Variants in DNM2 observed in about 807,000 individuals in gnomAD.
DNM2 encodes dynamin-2.
A neutral mutation model predicts 99.0 loss-of-function variants in DNM2; 15 were observed. The ratio of observed to expected loss-of-function variants is 0.15; its 90% CI spans 0.10 to 0.23. The LOEUF (loss-of-function observed/expected upper bound fraction) is 0.23. Ranked by LOEUF, DNM2 falls within the 10% of genes least tolerant of loss-of-function variation. The probability of loss-of-function intolerance (pLI) is 1.00; values close to 1 mark genes in which losing one functional copy is unlikely to be tolerated. For missense variants in DNM2, 742 were observed against 1,189.4 expected (o/e 0.62, Z 5.53); for synonymous variants, 525 against 481.2 (o/e 1.09, Z -1.19).
At chr19:10,801,605 C>CAAA (rs34520425) in intron 11 of DNM2, among the ~76,000 whole-genome samples, 4 of 56,618 alleles carry the variant, frequency 7.1e-5, no homozygotes, top group East Asian at 7.4e-4. Context: ...GTTCTTTTCT[C>CAAA]AAAAAAAAAA....
intron 7 of DNM2, 123 bp downstream of exon 7, chr19:10,786,829 CA>C: frequency 6.5e-7 from 1 of 1,531,786 alleles, no homozygotes; most frequent in Non-Finnish European, 8.8e-7. Flanking sequence ...ACACTTGCTG[CA>C]AGCCTTCTGC....
intron 1 of DNM2, among the ~76,000 whole-genome samples, chr19:10,741,930 C>T (rs1243081526): frequency 6.6e-6 from 1 of 150,488 alleles, no homozygotes. Context: ...CTTTCCCTCC[C>T]TCCCTTCTTT....
Position 10,811,312 on chromosome 19 carries a change from T to G in DNM2, c.1558-952T>G, listed in dbSNP as rs77236237. On this transcript the variant is annotated intron_variant, in intron 14 of 20. Coordinates refer to ENST00000389253, the MANE Select transcript of DNM2 (RefSeq NM_001005361.3). The surrounding 1 kb of genome is among the most constrained non-coding windows in gnomAD (Gnocchi z 5.4). The stretch of plus-strand genomic sequence containing the variant: ...TCAGGCCCGGGGTGGGTCGGGGTAG[T>G]CCGGATGAAGCCCCTCCAGAGGACC... 560 of 205,712 alleles carry G rather than the reference T, an allele frequency of 2.7e-3. 7 individuals are homozygous for G. In the East Asian group the frequency reaches 0.031, roughly 11 times the overall value. The allele number at this position is 205,712 out of a possible 1,614,324, so 12.7% of individuals were successfully genotyped here. A position where few individuals can be genotyped will look rare whatever the true frequency, so the allele number is the denominator to read the frequency against.
chr19:10,823,612 A>G (rs1016894381), intron 16 of DNM2, 176 bp from the exon 17 acceptor site: 2 of 613,192 alleles, frequency 3.3e-6, no homozygotes, highest in Non-Finnish European at 5.9e-6. Context: ...GCTTGTGCAC[A>G]GCGCTCTTCT....
At chr19:10,728,893 G>T (rs1171835231) in intron 1 of DNM2, among the ~76,000 whole-genome samples, 2 of 151,542 alleles carry the variant, frequency 1.3e-5, no homozygotes, top group African/African-American at 4.9e-5. Flanking sequence ...GTTGCATTGA[G>T]CTATGATTGC....
intron 1 of DNM2, among the ~76,000 whole-genome samples, chr19:10,741,032 A>G (rs1247033561): frequency 6.6e-6 from 1 of 152,138 alleles, no homozygotes; most frequent in Non-Finnish European, 1.5e-5. Flanking sequence ...TATGCACATG[A>G]TAAGAATGTG....
chr19:10,740,591 G>T (rs1356592058), intron 1 of DNM2, among the ~76,000 whole-genome samples: 1 of 152,138 alleles, frequency 6.6e-6, no homozygotes, highest in African/African-American at 2.4e-5. Flanking sequence ...GGTGAGGCTG[G>T]TCTCAAACTC....
chr19:10,830,388 AC>A lies in DNM2; in HGVS notation c.2543+15del. 4 of 1,605,278 alleles carry A rather than the reference AC, an allele frequency of 2.5e-6. No individual in the cohort carries two copies. The highest frequency in any genetic ancestry group is 2.2e-5 in the East Asian group (1 of 44,826). ...CCCCAGGAGTGCCCAGGTAAGGCCA[AC>A]CCCCTGCCCTCCACCCCAACTGCCT... On this transcript the variant is annotated intron_variant, in intron 20 of 20. Coordinates refer to ENST00000389253, the MANE Select transcript of DNM2 (RefSeq NM_001005361.3). This position sits in a 1 kb window ranked among gnomAD's most constrained non-coding sequence, Gnocchi z 4.8.
chr19:10,793,916 A>G, intron 8 of DNM2, 61 bp downstream of exon 8: 3 of 1,613,202 alleles, frequency 1.9e-6, no homozygotes, highest in Non-Finnish European at 2.5e-6. Context: ...GCTGGCCTCA[A>G]GCCAGGCCTC....
chr19:10,751,735 G>A (rs1390636840), intron 1 of DNM2, among the ~76,000 whole-genome samples: 2 of 152,254 alleles, frequency 1.3e-5, no homozygotes, highest in Non-Finnish European at 2.9e-5. Flanking sequence ...CGCCTGCCCT[G>A]CCCTGTCCTC....
Position 10,818,958 on chromosome 19 carries a change from C to T in DNM2, c.1672-1022C>T, listed in dbSNP as rs980570175. Among the ~76,000 whole-genome samples, 33 of 152,250 alleles carry T rather than the reference C, an allele frequency of 2.2e-4. No individual in the cohort carries two copies. The highest frequency in any genetic ancestry group is 6.7e-4 in the African/African-American group (28 of 41,540). On this transcript the variant is annotated intron_variant, in intron 15 of 20. Coordinates refer to ENST00000389253, the MANE Select transcript of DNM2 (RefSeq NM_001005361.3). The surrounding 1 kb of genome is among the most constrained non-coding windows in gnomAD (Gnocchi z 4.3). ...GGGTCCCCAAGAGCTGCTGCTGTGGCGGGTGGGCACACACATCACTGGGTG... is the reference window on the plus strand; with the variant it reads ...GGGTCCCCAAGAGCTGCTGCTGTGGTGGGTGGGCACACACATCACTGGGTG...
At chr19:10,786,812 T>C in intron 7 of DNM2, 106 bp downstream of exon 7, 1 of 1,562,512 alleles carries the variant, frequency 6.4e-7, no homozygotes, top group Non-Finnish European at 8.7e-7. Flanking sequence ...ACTCATTGAT[T>C]CAGCAGACAC....
chr19:10,781,661 A>G (rs1034966398), intron 5 of DNM2: 8 of 152,180 alleles, frequency 5.3e-5, no homozygotes, highest in Admixed American at 5.2e-4. Context: ...CACGCCTGTA[A>G]TCCCAGATGC....
chr19:10,802,475 G>A (rs1599583510), intron 12 of DNM2, 117 bp downstream of exon 12: 3 of 1,200,956 alleles, frequency 2.5e-6, no homozygotes, highest in Non-Finnish European at 2.5e-6. Context: ...TCTGTCGGGG[G>A]TCCTGGGGTG....
intron 18 of DNM2, among the ~76,000 whole-genome samples, chr19:10,826,335 C>A (rs1470459152): frequency 6.6e-6 from 1 of 152,166 alleles, no homozygotes; most frequent in Non-Finnish European, 1.5e-5. Context: ...GGGATTCAAA[C>A]CCACGTTTAC....
At chr19:10,728,942 C>A (rs1303519179) in intron 1 of DNM2, among the ~76,000 whole-genome samples, 1 of 143,334 alleles carries the variant, frequency 7.0e-6, no homozygotes, top group Non-Finnish European at 1.5e-5. Context: ...AAGACCCGGT[C>A]TCAAAAAAAA....
chr19:10,785,284 ATT>A (rs779391429), intron 6 of DNM2, among the ~76,000 whole-genome samples: 9 of 141,182 alleles, frequency 6.4e-5, no homozygotes, highest in Non-Finnish European at 9.3e-5. Flanking sequence ...CACCCGGCTA[ATT>A]TTTTTTTTTT....
In DNM2 at chr19:10,812,391, G is replaced by A. The variant is rs767768534; in HGVS notation, c.1671+14G>A. The A allele has an allele frequency of 2.7e-5, 43 of 1,591,706 alleles. No individual in the cohort carries two copies. The highest frequency in any genetic ancestry group is 3.4e-5 in the Non-Finnish European group (40 of 1,168,288). ...AAGGATGAGGAGGTGAGTGGCAGGC[G>A]GGAGCAGGGCTGCTGGGGTAGGTGG... On this transcript the variant is annotated intron_variant, in intron 15 of 20. Transcript: ENST00000389253. The surrounding 1 kb of genome is among the most constrained non-coding windows in gnomAD (Gnocchi z 4.0).
rs567799645 is a variant in DNM2, at chr19:10,798,963, C to T, written c.1422+391C>T. Among the ~76,000 whole-genome samples the T allele has an allele frequency of 5.9e-5, 9 of 152,324 alleles. No homozygotes were observed. In the East Asian group the frequency reaches 9.7e-4, roughly 16 times the overall value. ...AGGCCAGGCTGGGTGTAGTAACTCA[C>T]GCCTGTAATCCCAGCACTTAGGGAG... On this transcript the variant is annotated intron_variant, in intron 11 of 20. Transcript: ENST00000389253.
Sources: gnomAD v4.1 joint callset for allele counts (sites outside exome capture counted in the v4.1 genomes callset) on GRCh38, gnomAD v4.1.1 for gene constraint, Gnocchi (gnomAD v3.1) non-coding constraint, MANE v1.5 for transcripts, NCBI Gene and HGNC (gene_info 2026-07-23, HGNC 2026-07-21) for gene names.